The following SARNP variants were observed in gnomAD, a reference collection of about 807,000 sequenced individuals.
SARNP encodes the protein SAP domain-containing ribonucleoprotein.
A neutral mutation model predicts 38.1 loss-of-function variants in SARNP; 5 were observed. The ratio of observed to expected loss-of-function variants is 0.13; its 90% CI spans 0.07 to 0.28. The LOEUF is 0.28. SARNP is among the 10% of genes least tolerant of loss of function. The pLI is 1.00. For synonymous variants in SARNP, 84 were observed against 80.6 expected (o/e 1.04, Z -0.23); for missense variants, 180 against 243.9 (o/e 0.74, Z 1.75).
In SARNP at chr12:55,792,852, T is replaced by C. The variant is rs1021973905; in HGVS notation, c.406+1507A>G. ...AACACCTGCCACCATGTCTAGTTAA[T>C]TTTTTAATTTTTTGTAGAAACAAGG... On this transcript the variant is annotated intron_variant, in intron 7 of 10. Transcript: ENST00000336133. The C allele has an allele frequency of 1.6e-4, 24 of 152,258 alleles. 1 individual carries two copies. The highest frequency in any genetic ancestry group is 5.5e-4 in the African/African-American group (23 of 41,542). The allele number at this position is 152,258 out of a possible 1,614,324, so 9.4% of individuals were successfully genotyped here.
At chr12:55,803,199 G>C (rs967381650) in intron 2 of SARNP, among the ~76,000 whole-genome samples, 1 of 152,066 alleles carries the variant, frequency 6.6e-6, no homozygotes, top group Non-Finnish European at 1.5e-5. Flanking sequence ...GGTTGTACAA[G>C]ATGGCTGGGC....
chr12:55,773,009 C>T (rs1383013881), intron 9 of SARNP, among the ~76,000 whole-genome samples: 2 of 152,196 alleles, frequency 1.3e-5, no homozygotes, highest in Non-Finnish European at 2.9e-5. Context: ...GCCACCATGC[C>T]CAGCCTGGGA....
chr12:55,808,322 A>G lies in SARNP; in HGVS notation c.37-4594T>C, dbSNP rs1183599985. 4.8e-5 allele frequency among the ~76,000 whole-genome samples: 7 copies of G among 144,988 alleles called. No homozygotes were observed. The South Asian group carries it at 1.3e-3, about 27-fold the overall frequency. ...AACAGAGTGAGACCCTGTTCCTACA[A>G]TTTTTTTTTTTTTGAGATGGAGTTT... On this transcript the variant is annotated intron_variant, in intron 1 of 10. Transcript: ENST00000336133.
At chr12:55,797,183 T>C (rs981236477) in intron 4 of SARNP, among the ~76,000 whole-genome samples, 13 of 152,212 alleles carry the variant, frequency 8.5e-5, no homozygotes, top group Non-Finnish European at 1.3e-4. Context: ...AATGGTTTAA[T>C]GACATTTTCA....
intron 9 of SARNP, among the ~76,000 whole-genome samples, chr12:55,787,378 T>G (rs1271403679): frequency 6.6e-6 from 1 of 152,182 alleles, no homozygotes; most frequent in Non-Finnish European, 1.5e-5. Flanking sequence ...CAATGTCAGG[T>G]AAGTTTCTTC....
chr12:55,813,026 ACCTCCG>A (rs1880375275), intron 1 of SARNP, among the ~76,000 whole-genome samples: 1 of 151,908 alleles, frequency 6.6e-6, no homozygotes, highest in South Asian at 2.1e-4. Flanking sequence ...GGCTCCTGCA[ACCTCCG>A]CCTCCTGGGT....
At chr12:55,779,794 T>C (rs1471382995) in intron 9 of SARNP, among the ~76,000 whole-genome samples, 1 of 152,166 alleles carries the variant, frequency 6.6e-6, no homozygotes, top group Non-Finnish European at 1.5e-5. Flanking sequence ...ATATATACTA[T>C]GATTTTACCT....
At chr12:55,773,896 CG>C (rs1164353705) in intron 9 of SARNP, among the ~76,000 whole-genome samples, 1 of 151,996 alleles carries the variant, frequency 6.6e-6, no homozygotes, top group Non-Finnish European at 1.5e-5. Context: ...TTAGTAGAGA[CG>C]GGGTTTCACC....
intron 1 of SARNP, among the ~76,000 whole-genome samples, chr12:55,812,153 A>T (rs1235832419): frequency 6.6e-6 from 1 of 152,194 alleles, no homozygotes; most frequent in East Asian, 1.9e-4. Context: ...TCACTCTGAT[A>T]AGCCAAACTG....
chr12:55,800,396 G>A (rs933555624), intron 4 of SARNP, among the ~76,000 whole-genome samples, 166 bp downstream of exon 4: 1 of 152,124 alleles, frequency 6.6e-6, no homozygotes, highest in South Asian at 2.1e-4. Context: ...TTACTTCACT[G>A]GGACCAAGTA....
intron 9 of SARNP, among the ~76,000 whole-genome samples, chr12:55,778,003 G>C (rs941032345): frequency 6.6e-6 from 1 of 152,178 alleles, no homozygotes; most frequent in Non-Finnish European, 1.5e-5. Context: ...AAGTGTGGGT[G>C]TGGGGGAAAC....
rs1880133563 is a variant in SARNP, at chr12:55,806,130, C to T, written c.37-2402G>A. ...GGAGAGCATAGCCTCTGAAGCCAGA[C>T]TACTTAGGTTTGAATTCCAGTTTTA... On this transcript the variant is annotated intron_variant, in intron 1 of 10. Coordinates refer to ENST00000336133, the MANE Select transcript of SARNP (RefSeq NM_033082.4). Among the ~76,000 whole-genome samples, 3 of 151,738 alleles carry T rather than the reference C, an allele frequency of 2.0e-5. No homozygotes were observed. In the South Asian group the frequency reaches 6.2e-4, roughly 31 times the overall value.
At chr12:55,775,418 G>A (rs547883927) in intron 9 of SARNP, among the ~76,000 whole-genome samples, 72 of 150,772 alleles carry the variant, frequency 4.8e-4, no homozygotes, top group African/African-American at 4.1e-4. Flanking sequence ...AAAATTAGCC[G>A]GGCATGGTGG....
At chr12:55,778,719 C>A (rs537388186) in intron 9 of SARNP, among the ~76,000 whole-genome samples, 17 of 152,272 alleles carry the variant, frequency 1.1e-4, no homozygotes, top group Non-Finnish European at 1.5e-5. Context: ...CGCCTGTAAT[C>A]CCAGCACTTT....
At chr12:55,767,383 CA>C (rs762337868) in intron 9 of SARNP, among the ~76,000 whole-genome samples, 378 of 130,882 alleles carry the variant, frequency 2.9e-3, no homozygotes, top group Non-Finnish European at 2.9e-3. Context: ...CCATCTCTAC[CA>C]AAAAAAAAAA....
intron 9 of SARNP, among the ~76,000 whole-genome samples, chr12:55,777,375 T>C (rs2136187625): frequency 6.6e-6 from 1 of 151,598 alleles, no homozygotes; most frequent in Non-Finnish European, 1.5e-5. Context: ...TTTTCCTTTT[T>C]TTTTTATTTT....
chr12:55,812,928 C>T (rs1032617811), intron 1 of SARNP, among the ~76,000 whole-genome samples: 3 of 152,124 alleles, frequency 2.0e-5, no homozygotes, highest in Non-Finnish European at 4.4e-5. Context: ...ACAAACCAAT[C>T]AATGATCAGA....
chr12:55,767,675 G>A (rs1878879134), intron 9 of SARNP, among the ~76,000 whole-genome samples: 2 of 151,450 alleles, frequency 1.3e-5, no homozygotes, highest in African/African-American at 2.4e-5. Flanking sequence ...GTGAAACCCC[G>A]TCTCTACTAA....
Position 55,804,958 on chromosome 12 carries a change from G to C in SARNP, c.37-1230C>G, listed in dbSNP as rs1202364161. On this transcript the variant is annotated intron_variant, in intron 1 of 10. Coordinates refer to ENST00000336133, the MANE Select transcript of SARNP (RefSeq NM_033082.4). ...AGAACATTTCATAATGAAAAGTGGA[G>C]AGTTTTTTAAAACATATCACAATGG... 5.9e-5 allele frequency among the ~76,000 whole-genome samples: 9 copies of C among 152,292 alleles called. No homozygotes were observed. The East Asian group carries it at 9.7e-4, about 16-fold the overall frequency.
Sources: allele counts gnomAD v4.1 joint callset (sites outside exome capture counted in the v4.1 genomes callset), GRCh38; gene constraint gnomAD v4.1.1; transcripts MANE v1.5; gene names NCBI Gene and HGNC (gene_info 2026-07-23, HGNC 2026-07-21).